PCMTD1: variants seen among roughly 807,000 people sequenced by gnomAD.
PCMTD1 encodes the protein protein-L-isoaspartate (D-aspartate) O-methyltransferase domain containing 1, also known as protein-L-isoaspartate O-methyltransferase domain-containing protein 1.
PCMTD1 carries 12 observed loss-of-function variants against 37.6 expected under a neutral mutation model. The ratio of observed to expected loss-of-function variants is 0.32; its 90% CI spans 0.20 to 0.52. PCMTD1 has a LOEUF of 0.52. PCMTD1 is among the 20% of genes least tolerant of loss of function. PCMTD1 has a pLI of 0.97. For missense variants in PCMTD1, 235 were observed against 421.3 expected, an observed-to-expected ratio of 0.56 and a Z score of 3.87; for synonymous variants, 117 against 135.8, an observed-to-expected ratio of 0.86 and a Z score of 0.96.
intron 5 of PCMTD1, among the ~76,000 whole-genome samples, chr8:51,830,262 C>A: frequency 6.6e-6 from 1 of 152,214 alleles, no homozygotes; most frequent in East Asian, 1.9e-4. Context: ...TTCTATCTAA[C>A]CCTAGCCTAA....
At chr8:51,838,681 T>C (rs2038101910) in intron 3 of PCMTD1, among the ~76,000 whole-genome samples, 1 of 152,176 alleles carries the variant, frequency 6.6e-6, no homozygotes, top group South Asian at 2.1e-4. Flanking sequence ...GCCTTGACTA[T>C]CTTCTGAAAA....
At position 51,898,964 on chromosome 8, in the gene PCMTD1, T is replaced by G. The variant is rs2039054456; in HGVS notation, c.-130A>C. 1.3e-5 allele frequency: 19 copies of G among 1,484,894 alleles called. No individual in the cohort carries two copies. The highest frequency in any genetic ancestry group is 1.7e-5 in the Non-Finnish European group (19 of 1,123,082). 92.0% of individuals were successfully genotyped at this position (1,484,894 alleles called of 1,614,324 possible). On this transcript the variant is annotated 5_prime_UTR_variant, in exon 1 of 6. Transcript: ENST00000522514. The stretch of plus-strand genomic sequence containing the variant: ...GGGCAGCGGCGCGCAGGCCAGGCGC[T>G]AGGACTCGGCGGGGTCCGCAGCAGC...
chr8:51,856,042 C>A (rs1192330280), intron 2 of PCMTD1, among the ~76,000 whole-genome samples: 1 of 152,148 alleles, frequency 6.6e-6, no homozygotes, highest in Admixed American at 6.5e-5. Context: ...TCTCCCTAAT[C>A]TTTTGGCCTA....
At chr8:51,863,549 A>G (rs2038505473) in intron 1 of PCMTD1, among the ~76,000 whole-genome samples, 1 of 152,188 alleles carries the variant, frequency 6.6e-6, no homozygotes, top group Admixed American at 6.5e-5. Flanking sequence ...TTGGGAAGTC[A>G]AAGTGGGTGG....
intron 2 of PCMTD1, among the ~76,000 whole-genome samples, chr8:51,855,776 C>T (rs2038379269): frequency 6.6e-6 from 1 of 151,924 alleles, no homozygotes; most frequent in Admixed American, 6.5e-5. Context: ...CTCCTGCCCT[C>T]AGCCTCCCGA....
intron 1 of PCMTD1, among the ~76,000 whole-genome samples, chr8:51,893,292 G>C (rs1483687807): frequency 6.6e-6 from 1 of 152,078 alleles, no homozygotes; most frequent in African/African-American, 2.4e-5. Context: ...GGGCACAATG[G>C]CAGATATAAG....
chr8:51,828,787 C>T (rs1200202291), intron 5 of PCMTD1, among the ~76,000 whole-genome samples: 2 of 152,158 alleles, frequency 1.3e-5, no homozygotes, highest in African/African-American at 4.8e-5. Context: ...AAGTGATAAT[C>T]ACTGATTCTG....
intron 1 of PCMTD1, among the ~76,000 whole-genome samples, chr8:51,888,968 G>A (rs1382069902): frequency 1.3e-5 from 2 of 151,602 alleles, no homozygotes; most frequent in Admixed American, 6.5e-5. Context: ...GTAACTTCTC[G>A]TTTCTTTTTT....
chr8:51,862,773 C>T (rs1274058733), intron 1 of PCMTD1, among the ~76,000 whole-genome samples: 2 of 152,142 alleles, frequency 1.3e-5, no homozygotes, highest in East Asian at 1.9e-4. Flanking sequence ...CCTACAATTG[C>T]CTTAAGAACT....
Position 51,863,029 on chromosome 8 carries a change from T to TTC in PCMTD1, c.-95-1784_-95-1783insGA, listed in dbSNP as rs570434473. On this transcript the variant is annotated intron_variant, in intron 1 of 5. Transcript: ENST00000522514. ...AGTCCAATTGTAGCATTTCAATACT[T>TTC]TTTTTTTTTTTAATAACATGGCCTT... Among the ~76,000 whole-genome samples the TTC allele has an allele frequency of 1.6e-3, 240 of 150,388 alleles. 1 individual carries two copies. The highest frequency in any genetic ancestry group is 5.3e-3 in the South Asian group (25 of 4,752).
At chr8:51,839,362 T>C in intron 3 of PCMTD1, 1 of 729,388 alleles carries the variant, frequency 1.4e-6, no homozygotes, top group Non-Finnish European at 1.7e-6. Context: ...GAAAATCATT[T>C]ATGAAAAAAA....
At chr8:51,861,726 A>ATGT (rs2038472918) in intron 1 of PCMTD1, among the ~76,000 whole-genome samples, 1 of 137,028 alleles carries the variant, frequency 7.3e-6, no homozygotes, top group Non-Finnish European at 1.6e-5. Context: ...TTTTTTTTTA[A>ATGT]TTTTTTTTTT....
In PCMTD1 at chr8:51,895,161, A is replaced by C. The variant is rs2038982921; in HGVS notation, c.-96+3769T>G. ...AAGAACTAAACCTAAGGTAACACCT[A>C]CAGGCAACATCTATCTATACTTCAG... On this transcript the variant is annotated intron_variant, in intron 1 of 5. Transcript: ENST00000522514. 2.0e-5 allele frequency among the ~76,000 whole-genome samples: 3 copies of C among 152,242 alleles called. No homozygotes were observed. In the South Asian group the frequency reaches 6.2e-4, roughly 32 times the overall value.
rs149490561 is a variant in PCMTD1, at chr8:51,819,327, G to T, written c.*1024C>A. The T allele has an allele frequency of 6.6e-6, 1 of 151,840 alleles. No homozygotes were observed. The highest frequency in any genetic ancestry group is 6.6e-5 in the Admixed American group (1 of 15,218). The allele number at this position is 151,840 out of a possible 1,614,324, so 9.4% of individuals were successfully genotyped here. A position where few individuals can be genotyped will look rare whatever the true frequency, so the allele number is the denominator to read the frequency against. On this transcript the variant is annotated 3_prime_UTR_variant, in exon 6 of 6. Transcript: ENST00000522514. Reference sequence around the variant, plus strand: ...TATACTAGATAGATCAAAAGCAAATGTAGGCTCAGCCCTACCTTGTCAAAG... The same window carrying T: ...TATACTAGATAGATCAAAAGCAAATTTAGGCTCAGCCCTACCTTGTCAAAG...
chr8:51,851,456 T>C lies in PCMTD1; in HGVS notation c.308-5693A>G, dbSNP rs185249353. On this transcript the variant is annotated intron_variant, in intron 2 of 5. Coordinates refer to ENST00000522514, the MANE Select transcript of PCMTD1 (RefSeq NM_052937.4). Reference sequence around the variant, plus strand: ...CAACAGATGTCACGATTAGTTCATTTACATATTTCTACACAATGTACTAAT... The same window carrying C: ...CAACAGATGTCACGATTAGTTCATTCACATATTTCTACACAATGTACTAAT... Among the ~76,000 whole-genome samples, 17 of 152,312 alleles carry C rather than the reference T, an allele frequency of 1.1e-4. No homozygotes were observed. In the East Asian group the frequency reaches 3.3e-3, roughly 29 times the overall value.
intron 3 of PCMTD1, among the ~76,000 whole-genome samples, chr8:51,834,904 T>C (rs983899223): frequency 6.6e-6 from 1 of 152,158 alleles, no homozygotes; most frequent in African/African-American, 2.4e-5. Flanking sequence ...TACTATTGTC[T>C]TCATGCCCCC....
At chr8:51,897,261 G>A (rs531139447) in intron 1 of PCMTD1, among the ~76,000 whole-genome samples, 80 of 152,190 alleles carry the variant, frequency 5.3e-4, no homozygotes, top group Non-Finnish European at 9.8e-4. Context: ...AATACAGTAT[G>A]CAATGGGAAT....
intron 3 of PCMTD1, among the ~76,000 whole-genome samples, chr8:51,842,995 ACTG>A (rs1040451390): frequency 6.6e-6 from 1 of 152,180 alleles, no homozygotes; most frequent in Non-Finnish European, 1.5e-5. Flanking sequence ...ATTAAATAAA[ACTG>A]CTTAGAAATG....
chr8:51,894,687 T>C (rs574204929), intron 1 of PCMTD1, among the ~76,000 whole-genome samples: 1 of 152,030 alleles, frequency 6.6e-6, no homozygotes, highest in South Asian at 2.1e-4. Flanking sequence ...GTATTCACAA[T>C]GAATGACAAA....
Sources: allele counts gnomAD v4.1 joint callset (sites outside exome capture counted in the v4.1 genomes callset), GRCh38; gene constraint gnomAD v4.1.1; transcripts MANE v1.5; gene names NCBI Gene and HGNC (gene_info 2026-07-23, HGNC 2026-07-21).